Variants in ZNF16 observed in about 807,000 individuals in gnomAD.
The protein encoded by ZNF16 is zinc finger protein 16.
In ZNF16, 7 loss-of-function variants were observed where a neutral mutation model predicts 9.0. That is an observed-to-expected ratio of 0.78 (90% CI 0.44 to 1.47). The LOEUF (loss-of-function observed/expected upper bound fraction) is 1.47. ZNF16 is among the 40% of genes most tolerant of loss of function. ZNF16 has a pLI of 0.01. For synonymous variants in ZNF16, 312 were observed against 301.5 expected (o/e 1.03, Z -0.36); for missense variants, 830 against 854.2 (o/e 0.97, Z 0.35).
At position 144,946,540 on chromosome 8, in the gene ZNF16, G is replaced by GTACCCTGCTGTGGGCC. The variant is rs1833935629; in HGVS notation, c.-9-326_-9-325insGGCCCACAGCAGGGTA. The stretch of plus-strand genomic sequence containing the variant: ...GGGTCTGTGTCCTGCTGTGGGGCCT[G>GTACCCTGCTGTGGGCC]TGTACTGCTGTGGGGCCTGTACCCT... On this transcript the variant is annotated intron_variant, in intron 1 of 2. Transcript: ENST00000394909. Among the ~76,000 whole-genome samples the GTACCCTGCTGTGGGCC allele has an allele frequency of 1.5e-4, 19 of 125,492 alleles. 1 individual carries two copies. The highest frequency in any genetic ancestry group is 5.4e-4 in the African/African-American group (18 of 33,320). The allele number at this position is 125,492 out of a possible 152,430, so 82.3% of individuals were successfully genotyped here.
chr8:144,930,545 C>T lies in ZNF16; in HGVS notation c.*193G>A. ...CCCAAACCCAAGACATCACAAGAGG[C>T]AAGAGCAGTGGCAGTGAGAAGGGAG... On this transcript the variant is annotated 3_prime_UTR_variant, in exon 3 of 3. Transcript: ENST00000394909. 3.5e-6 allele frequency: 2 copies of T among 577,358 alleles called. No homozygotes were observed. Among genetic ancestry groups the T allele is most frequent in the South Asian group, 7.6e-5 (2 of 26,368 alleles). The allele number at this position is 577,358 out of a possible 1,614,324, so 35.8% of individuals were successfully genotyped here. A position where few individuals can be genotyped will look rare whatever the true frequency, so the allele number is the denominator to read the frequency against.
chr8:144,930,965 T>C lies in ZNF16; in HGVS notation c.1822A>G (p.Lys608Glu). 6.2e-7 allele frequency: 1 copy of C among 1,614,172 alleles called. No homozygotes were observed. The highest frequency in any genetic ancestry group is 1.1e-5 in the South Asian group (1 of 91,076). The change falls in exon 3 of 3, where the codon AAG becomes GAG. Residue 608 changes from lysine to glutamate, a missense_variant. Physicochemically the swap from Lys to Glu is moderately conservative, Grantham distance 56. Transcript: ENST00000394909. ...AGGTGTGAGCTCTGGCTGAAGCCCT[T>C]ACCACATTCAACACAGGTGTAGGGT... ...EKPYTCVECG[K>E]GFSQSSHLIQ...
chr8:144,934,574 G>C (rs771162879), intron 2 of ZNF16, among the ~76,000 whole-genome samples: 1 of 152,222 alleles, frequency 6.6e-6, no homozygotes, highest in South Asian at 2.1e-4. Flanking sequence ...TGAGGAATGG[G>C]GGCTGCTGGG....
intron 2 of ZNF16, among the ~76,000 whole-genome samples, chr8:144,943,679 C>T (rs1833856678): frequency 1.4e-5 from 2 of 147,310 alleles, no homozygotes; most frequent in Non-Finnish European, 3.0e-5. Context: ...ATCACCACGC[C>T]TAGCTGATTT....
rs750028588 is a variant in ZNF16, at chr8:144,931,447, C to T, written c.1340G>A (p.Ser447Asn). 6.2e-7 allele frequency: 1 copy of T among 1,613,928 alleles called. No individual in the cohort carries two copies. Among genetic ancestry groups the T allele is most frequent in the Admixed American group, 1.7e-5 (1 of 60,014 alleles). The part of the protein sequence containing the change: ...DCGKAFSQSS[S>N]LIQHRRIHTG... ...GTGAATTCTCCGATGCTGAATAAGG[C>T]TGGAGCTCTGACTAAATGCTTTCCC... The change falls in exon 3 of 3, where the codon AGC (serine) becomes AAC (asparagine). Residue 447 changes from serine to asparagine, a missense_variant. Physicochemically the swap from Ser to Asn is conservative, Grantham distance 46. Coordinates refer to ENST00000394909, the MANE Select transcript of ZNF16 (RefSeq NM_006958.3).
At position 144,930,488 on chromosome 8, in the gene ZNF16, C is replaced by T. The variant is rs3207; in HGVS notation, c.*250G>A. On this transcript the variant is annotated 3_prime_UTR_variant, in exon 3 of 3. Transcript: ENST00000394909. The stretch of plus-strand genomic sequence containing the variant: ...CCATAATCTTCTCCCTTGTAACAAA[C>T]GTGCAGTCCGTTCACAAGCTGTAAA... 7.8e-3 allele frequency: 3,363 copies of T among 428,960 alleles called. 28 individuals carry two copies. The highest frequency in any genetic ancestry group is 0.034 in the South Asian group (443 of 12,844). The allele number at this position is 428,960 out of a possible 1,614,324, so 26.6% of individuals were successfully genotyped here. A position where few individuals can be genotyped will look rare whatever the true frequency, so the allele number is the denominator to read the frequency against.
At chr8:144,942,419 C>A (rs1464183287) in intron 2 of ZNF16, among the ~76,000 whole-genome samples, 1 of 152,046 alleles carries the variant, frequency 6.6e-6, no homozygotes, top group Non-Finnish European at 1.5e-5. Context: ...TCCTGAGTAG[C>A]TGGGATTACA....
chr8:144,946,259 C>T, intron 1 of ZNF16, 44 bp from the exon 2 acceptor site: 2 of 1,435,618 alleles, frequency 1.4e-6, no homozygotes, highest in South Asian at 3.4e-5. Flanking sequence ...GACAGGCTAG[C>T]TCTAGGGATT....
intron 1 of ZNF16, chr8:144,948,326 G>T (rs924952218): frequency 6.6e-6 from 1 of 152,184 alleles, no homozygotes. Flanking sequence ...AGGAATGGTG[G>T]GAGATGAGAT....
intron 2 of ZNF16, among the ~76,000 whole-genome samples, chr8:144,942,576 C>T (rs1182357955): frequency 1.3e-5 from 2 of 152,200 alleles, no homozygotes; most frequent in Non-Finnish European, 2.9e-5. Flanking sequence ...GTGTGAGCCA[C>T]TGCGTCAAGC....
At chr8:144,947,197 G>A (rs71522405) in intron 1 of ZNF16, among the ~76,000 whole-genome samples, 28,812 of 128,616 alleles carry the variant, frequency 0.22, 481 homozygotes, top group Middle Eastern at 0.32. Flanking sequence ...GTGGGCCTGT[G>A]TCCTGCTGTT....
At chr8:144,937,225 C>T (rs1323291569) in intron 2 of ZNF16, among the ~76,000 whole-genome samples, 1 of 146,148 alleles carries the variant, frequency 6.8e-6, no homozygotes, top group African/African-American at 2.5e-5. Flanking sequence ...TGGCTCACTG[C>T]AACCTCTGCC....
intron 2 of ZNF16, among the ~76,000 whole-genome samples, chr8:144,935,697 G>A (rs756960294): frequency 2.0e-4 from 31 of 152,258 alleles, no homozygotes; most frequent in African/African-American, 2.9e-4. Context: ...AGACTTTTAC[G>A]ATGAGTGACC....
Position 144,930,933 on chromosome 8 carries a change from C to T in ZNF16, c.1854G>A (p.Gln618=). Residue 618 remains glutamine, a synonymous_variant, in exon 3 of 3, where the codon CAG becomes CAA. Coordinates refer to ENST00000394909, the MANE Select transcript of ZNF16 (RefSeq NM_006958.3). ...GCTCGCCCGTGTGGATTATCTGATG[C>T]TGAATGAGGTGTGAGCTCTGGCTGA... ...KGFSQSSHLI[Q]HQIIHTGERP... 1 of 1,613,066 alleles carries T rather than the reference C, an allele frequency of 6.2e-7. No homozygotes were observed. The highest frequency in any genetic ancestry group is 8.5e-7 in the Non-Finnish European group (1 of 1,179,508).
At chr8:144,949,593 A>G (rs1834043273) in intron 1 of ZNF16, among the ~76,000 whole-genome samples, 1 of 152,188 alleles carries the variant, frequency 6.6e-6, no homozygotes, top group African/African-American at 2.4e-5. Flanking sequence ...CTTTGCCACA[A>G]CTTTGAGCTC....
At chr8:144,946,808 G>C (rs1833957163) in intron 1 of ZNF16, among the ~76,000 whole-genome samples, 1 of 129,330 alleles carries the variant, frequency 7.7e-6, no homozygotes, top group African/African-American at 3.3e-5. Context: ...TCCTGCTGTG[G>C]GGCTGTGTCC....
Position 144,932,569 on chromosome 8 carries a change from T to C in ZNF16, c.218A>G (p.Asp73Gly), listed in dbSNP as rs761246393. Residue 73 changes from aspartate (D) to glycine (G), a missense_variant, in exon 3 of 3, where the codon GAC (aspartate) becomes GGC (glycine). By Grantham distance (94) the Asp-to-Gly change is moderately conservative. Coordinates refer to ENST00000394909, the MANE Select transcript of ZNF16 (RefSeq NM_006958.3). This position sits in a 1 kb window ranked among gnomAD's most constrained non-coding sequence, Gnocchi z 5.0. ...QQPDCDTRTE[D>G]KEFLHKEDIH... The stretch of plus-strand genomic sequence containing the variant: ...GTCTTCCTTGTGAAGAAACTCCTTG[T>C]CTTCAGTCCTGGTGTCACAATCTGA... 4.3e-6 allele frequency: 7 copies of C among 1,613,568 alleles called. No individual in the cohort carries two copies. In the East Asian group the frequency reaches 1.6e-4, roughly 36 times the overall value.
chr8:144,932,110 T>C lies in ZNF16; in HGVS notation c.677A>G (p.Gln226Arg). 6.2e-7 allele frequency: 1 copy of C among 1,614,190 alleles called. No individual in the cohort carries two copies. The highest frequency in any genetic ancestry group is 1.1e-5 in the South Asian group (1 of 91,064). ...CTCCCCAGTGTGGACTATTTGACGC[T>C]GAATAAGGTCAGGATTTCCTTGGAA... Reference protein sequence around the residue: ...KTFQGNPDLIQRQIVHTGEAS... With the variant: ...KTFQGNPDLIRRQIVHTGEAS... Residue 226 changes from glutamine (Q) to arginine (R), a missense_variant, in exon 3 of 3, where the codon CAG becomes CGG. Coordinates refer to ENST00000394909, the MANE Select transcript of ZNF16 (RefSeq NM_006958.3). This position sits in a 1 kb window ranked among gnomAD's most constrained non-coding sequence, Gnocchi z 5.0.
At chr8:144,935,674 T>C (rs1833665464) in intron 2 of ZNF16, among the ~76,000 whole-genome samples, 1 of 152,194 alleles carries the variant, frequency 6.6e-6, no homozygotes, top group Non-Finnish European at 1.5e-5. Context: ...AGGAAACACA[T>C]CTTTATGATT....
Sources: gnomAD v4.1 joint callset for allele counts (sites outside exome capture counted in the v4.1 genomes callset) on GRCh38, gnomAD v4.1.1 for gene constraint, Gnocchi (gnomAD v3.1) non-coding constraint, MANE v1.5 for transcripts, NCBI Gene and HGNC (gene_info 2026-07-23, HGNC 2026-07-21) for gene names.